CCDC158: variants seen among roughly 807,000 people sequenced by gnomAD.
The protein encoded by CCDC158 is coiled-coil domain containing 158.
Under a neutral mutation model 138.6 loss-of-function variants are expected in CCDC158, and 116 were observed. The ratio of observed to expected loss-of-function variants is 0.84; its 90% CI spans 0.72 to 0.98. The LOEUF (loss-of-function observed/expected upper bound fraction) is 0.98. CCDC158 is among the 50% of genes least tolerant of loss of function. The pLI is 0.00. For missense variants in CCDC158, 1,265 were observed against 1,306.1 expected (o/e 0.97, Z 0.48); for synonymous variants, 436 against 442.4 (o/e 0.99, Z 0.18).
chr4:76,401,373 A>C lies in CCDC158; in HGVS notation c.70+1765T>G, dbSNP rs573617497. 90 of 503,134 alleles carry C rather than the reference A, an allele frequency of 1.8e-4. 1 individual carries two copies. The highest frequency in any genetic ancestry group is 1.3e-3 in the South Asian group (88 of 68,268). The allele number at this position is 503,134 out of a possible 1,614,324, so 31.2% of individuals were successfully genotyped here. ...CTGTATGCCCAGAGAAAGCAGCATG[A>C]TGACAGGAAGCAGAGTGGCTATGGT... is the stretch of plus-strand genomic sequence containing the variant. On this transcript the variant is annotated intron_variant, in intron 3 of 24. Transcript: ENST00000682701.
At chr4:76,320,102 T>C (rs1224253539) in intron 24 of CCDC158, among the ~76,000 whole-genome samples, 2 of 152,174 alleles carry the variant, frequency 1.3e-5, no homozygotes, top group Non-Finnish European at 2.9e-5. Context: ...AGTTTCAGGA[T>C]ACAAAATCAA....
At chr4:76,380,503 G>A (rs1390220261) in intron 8 of CCDC158, among the ~76,000 whole-genome samples, 1 of 152,152 alleles carries the variant, frequency 6.6e-6, no homozygotes, top group East Asian at 1.9e-4. Context: ...AAATTTCTAA[G>A]CAGCAAAGCA....
In CCDC158 at chr4:76,384,384, T is replaced by C. The variant is rs1470839825; in HGVS notation, c.430A>G (p.Arg144Gly). The C allele has an allele frequency of 1.2e-6, 2 of 1,613,774 alleles. No homozygotes were observed. The highest frequency in any genetic ancestry group is 1.7e-6 in the Non-Finnish European group (2 of 1,179,870). The stretch of plus-strand genomic sequence containing the variant: ...TGAACTGTATTTTGAAGCTGATTTC[T>C]TAAATCCTCCTGGGACTGACTCTCC... ...RRESQSQEDLRNQLQNTVHEL... is the reference protein window; with the variant it reads ...RRESQSQEDLGNQLQNTVHEL... The change falls in exon 6 of 25, where the codon AGA (arginine) becomes GGA (glycine). Residue 144 changes from arginine (R) to glycine (G), a missense_variant. By Grantham distance (125) the Arg-to-Gly change is moderately radical. Transcript: ENST00000682701.
At chr4:76,408,345 C>A (rs371866021) in intron 2 of CCDC158, among the ~76,000 whole-genome samples, 1 of 151,986 alleles carries the variant, frequency 6.6e-6, no homozygotes, top group Non-Finnish European at 1.5e-5. Context: ...GCTCCCCCCA[C>A]CCCACAACAG....
rs550351738 is a variant in CCDC158, at chr4:76,386,094, A to G, written c.289-1429T>C. On this transcript the variant is annotated intron_variant, in intron 4 of 24. Coordinates refer to ENST00000682701, the MANE Select transcript of CCDC158 (RefSeq NM_001394954.1). ...TCTCTTTCTTAAGAATTTAACAAAGATGTGTTTTGACTAAATGAAGAAGCA... is the reference window on the plus strand; with the variant it reads ...TCTCTTTCTTAAGAATTTAACAAAGGTGTGTTTTGACTAAATGAAGAAGCA... 2.0e-5 allele frequency among the ~76,000 whole-genome samples: 3 copies of G among 152,350 alleles called. No homozygotes were observed. The South Asian group carries it at 6.2e-4, about 32-fold the overall frequency.
At chr4:76,391,634 G>C (rs1023711530) in intron 4 of CCDC158, among the ~76,000 whole-genome samples, 2 of 151,626 alleles carry the variant, frequency 1.3e-5, no homozygotes, top group African/African-American at 2.4e-5. Flanking sequence ...AGAAAAGCAA[G>C]AGCAAACTGA....
chr4:76,347,349 C>T (rs760000681), intron 18 of CCDC158, among the ~76,000 whole-genome samples: 48 of 152,200 alleles, frequency 3.2e-4, no homozygotes, highest in Non-Finnish European at 5.4e-4. Context: ...GCACATGGCA[C>T]ATACACACCA....
At chr4:76,373,100 C>T (rs908418444) in intron 9 of CCDC158, among the ~76,000 whole-genome samples, 8 of 152,220 alleles carry the variant, frequency 5.3e-5, no homozygotes, top group African/African-American at 1.7e-4. Context: ...CCACCCGCCT[C>T]AGCCTCCCAA....
At chr4:76,364,772 A>G (rs1302023241) in intron 12 of CCDC158, among the ~76,000 whole-genome samples, 1 of 152,222 alleles carries the variant, frequency 6.6e-6, no homozygotes, top group Non-Finnish European at 1.5e-5. Context: ...ATCCTGGCAG[A>G]TGCAATTTGA....
intron 24 of CCDC158, among the ~76,000 whole-genome samples, chr4:76,322,123 T>C (rs936450989): frequency 6.6e-6 from 1 of 151,994 alleles, no homozygotes; most frequent in African/African-American, 2.4e-5. Flanking sequence ...ACACCACATG[T>C]TCCCCCCAAA....
intron 4 of CCDC158, among the ~76,000 whole-genome samples, chr4:76,390,622 C>T (rs907177446): frequency 6.6e-6 from 1 of 151,870 alleles, no homozygotes; most frequent in African/African-American, 2.4e-5. Context: ...AGGAGTAAGT[C>T]CTTAGTCATC....
chr4:76,400,542 T>G (rs1049403322), intron 3 of CCDC158, among the ~76,000 whole-genome samples: 52 of 151,540 alleles, frequency 3.4e-4, no homozygotes, highest in Non-Finnish European at 6.8e-4. Context: ...ACCCTAGAAC[T>G]TAAAGTATAA....
In CCDC158 at chr4:76,384,596, G is replaced by T. The variant is rs1013402669; in HGVS notation, c.358C>A (p.Gln120Lys). 1 of 1,613,320 alleles carries T rather than the reference G, an allele frequency of 6.2e-7. No homozygotes were observed. The highest frequency in any genetic ancestry group is 1.3e-5 in the African/African-American group (1 of 74,774). The change falls in exon 5 of 25, where the codon CAG (glutamine) becomes AAG (lysine). Residue 120 changes from glutamine to lysine, a missense_variant. Coordinates refer to ENST00000682701, the MANE Select transcript of CCDC158 (RefSeq NM_001394954.1). Reference sequence around the variant, plus strand: ...GCATCTCTCTCCATTTGCATCTCCTGAAGTTTTGTTTGCAAATCAATGACT... The same window carrying T: ...GCATCTCTCTCCATTTGCATCTCCTTAAGTTTTGTTTGCAAATCAATGACT... ...QSVIDLQTKL[Q>K]EMQMERDAMA...
chr4:76,417,177 C>T (rs1729766273), intron 1 of CCDC158, among the ~76,000 whole-genome samples: 3 of 152,152 alleles, frequency 2.0e-5, no homozygotes, highest in Admixed American at 2.0e-4. Context: ...AATTTGACTG[C>T]CCTGCTGGAT....
At chr4:76,340,650 G>A (rs1055785125) in intron 18 of CCDC158, among the ~76,000 whole-genome samples, 2 of 151,962 alleles carry the variant, frequency 1.3e-5, no homozygotes, top group African/African-American at 4.8e-5. Flanking sequence ...AACACCCTTC[G>A]GGTGTCACTG....
At chr4:76,331,655 GA>G (rs1276367188) in intron 20 of CCDC158, among the ~76,000 whole-genome samples, 1 of 152,142 alleles carries the variant, frequency 6.6e-6, no homozygotes, top group Non-Finnish European at 1.5e-5. Flanking sequence ...ACAGAATGGA[GA>G]AAAAGCTTGA....
At chr4:76,326,043 A>G (rs780266498) in intron 22 of CCDC158, 28 bp from the exon 23 acceptor site, 67 of 1,583,462 alleles carry the variant, frequency 4.2e-5, no homozygotes, top group Non-Finnish European at 5.4e-5. Flanking sequence ...TAAAAGTAAA[A>G]GGACAGAATT....
Position 76,325,990 on chromosome 4 carries a change from A to AGCT in CCDC158, c.3033_3035dup (p.Ala1012dup). 6.2e-7 allele frequency: 1 copy of AGCT among 1,612,614 alleles called. No individual in the cohort carries two copies. Among genetic ancestry groups the AGCT allele is most frequent in the Non-Finnish European group, 8.5e-7 (1 of 1,179,458 alleles). Reference sequence around the variant, plus strand: ...TAGGAGAAGAATTGAATGAACGAGAAGCTGAGTTTTTCACAGATGGACTTG... The same window carrying AGCT: ...TAGGAGAAGAATTGAATGAACGAGAAGCTGCTGAGTTTTTCACAGATGGACTTG... On this transcript the variant is annotated inframe_insertion, in exon 23 of 25. Coordinates refer to ENST00000682701, the MANE Select transcript of CCDC158 (RefSeq NM_001394954.1).
intron 2 of CCDC158, among the ~76,000 whole-genome samples, chr4:76,405,473 A>C (rs773480459): frequency 2.0e-5 from 3 of 152,210 alleles, no homozygotes; most frequent in Non-Finnish European, 4.4e-5. Flanking sequence ...GTAGGTTCTA[A>C]ATTTTTAAAA....
Sources: allele counts gnomAD v4.1 joint callset (sites outside exome capture counted in the v4.1 genomes callset), GRCh38; gene constraint gnomAD v4.1.1; transcripts MANE v1.5; gene names NCBI Gene and HGNC (gene_info 2026-07-23, HGNC 2026-07-21).